IBTK: variants seen among roughly 807,000 people sequenced by gnomAD.
IBTK encodes BTK-binding protein.
A neutral mutation model predicts 154.9 loss-of-function variants in IBTK; 83 were observed. The observed-to-expected ratio is 0.54, with a 90% CI of 0.45 to 0.64. The LOEUF is 0.64. Among genes scored for constraint, IBTK ranks in the 30% least tolerant of loss-of-function variants. The pLI is 0.00. For missense variants in IBTK, 1,332 were observed against 1,584.6 expected, an observed-to-expected ratio of 0.84 and a Z score of 2.71; for synonymous variants, 515 against 536.1, an observed-to-expected ratio of 0.96 and a Z score of 0.54.
chr6:82,197,873 C>T (rs2127806283), intron 21 of IBTK, among the ~76,000 whole-genome samples: 1 of 152,146 alleles, frequency 6.6e-6, no homozygotes, highest in East Asian at 1.9e-4. Context: ...AGCTTTTACG[C>T]AACTGTCTTT....
intron 1 of IBTK, 54 bp from the exon 2 acceptor site, chr6:82,240,897 C>G (rs1770921186): frequency 4.9e-6 from 2 of 404,504 alleles, no homozygotes; most frequent in Admixed American, 4.2e-5. Context: ...TCTCGCTCTC[C>G]TTGAGTACTT....
intron 3 of IBTK, among the ~76,000 whole-genome samples, chr6:82,233,867 G>A (rs1334628473): frequency 1.3e-5 from 2 of 152,014 alleles, no homozygotes; most frequent in East Asian, 3.9e-4. Context: ...AGGATTGCCT[G>A]TAACTAGGAT....
intron 2 of IBTK, among the ~76,000 whole-genome samples, chr6:82,236,653 A>C (rs1285751908): frequency 6.6e-6 from 1 of 152,210 alleles, no homozygotes; most frequent in East Asian, 1.9e-4. Context: ...CTGACAATTT[A>C]CTGTGCAATT....
chr6:82,239,224 G>A (rs1409973593), intron 2 of IBTK, among the ~76,000 whole-genome samples: 6 of 151,810 alleles, frequency 4.0e-5, no homozygotes, highest in Non-Finnish European at 5.9e-5. Flanking sequence ...GGTGGATCAC[G>A]AGGTCAGGAG....
At chr6:82,241,069 C>T (rs376197096) in intron 1 of IBTK, among the ~76,000 whole-genome samples, 1 of 152,138 alleles carries the variant, frequency 6.6e-6, no homozygotes, top group Non-Finnish European at 1.5e-5. Flanking sequence ...CTGGCATAAA[C>T]GGGTTAATTC....
At chr6:82,245,662 A>G (rs1394836744) in intron 1 of IBTK, among the ~76,000 whole-genome samples, 10 of 152,220 alleles carry the variant, frequency 6.6e-5, no homozygotes, top group Admixed American at 4.6e-4. Flanking sequence ...ATCTTGGTCC[A>G]TTCCAAAATT....
chr6:82,230,105 G>A (rs1212131109), intron 4 of IBTK, among the ~76,000 whole-genome samples: 1 of 152,122 alleles, frequency 6.6e-6, no homozygotes, highest in Non-Finnish European at 1.5e-5. Context: ...GCAAACTAGG[G>A]ATATGTTGTC....
At chr6:82,200,521 A>T in intron 20 of IBTK, 66 bp downstream of exon 20, 1 of 1,321,384 alleles carries the variant, frequency 7.6e-7, no homozygotes, top group Non-Finnish European at 1.0e-6. Flanking sequence ...ATGAGAGTGA[A>T]GGGACACACT....
At position 82,201,462 on chromosome 6, in the gene IBTK, T is replaced by A; in HGVS notation, c.2750A>T (p.Asp917Val). The A allele has an allele frequency of 6.2e-7, 1 of 1,608,234 alleles. No individual in the cohort carries two copies. The highest frequency in any genetic ancestry group is 1.1e-5 in the South Asian group (1 of 90,086). The change falls in exon 19 of 29, where the codon GAT becomes GTT. Residue 917 changes from aspartate (D) to valine (V), a missense_variant. Coordinates refer to ENST00000306270, the MANE Select transcript of IBTK (RefSeq NM_015525.4). ...CTCAGAAAGATCCTTCAAAACACCA[T>A]CGCTTAAAACATCAAGAGACCTAAA... Reference protein sequence around the residue: ...LEARSLDVLSDGVLKDLSEFY... With the variant: ...LEARSLDVLSVGVLKDLSEFY...
chr6:82,178,761 T>C (rs1768207605), intron 26 of IBTK, among the ~76,000 whole-genome samples: 1 of 152,148 alleles, frequency 6.6e-6, no homozygotes, highest in Admixed American at 6.5e-5. Context: ...ACTGCCCCAG[T>C]AAGTCAGACT....
intron 25 of IBTK, among the ~76,000 whole-genome samples, chr6:82,186,510 A>G (rs527585547): frequency 6.6e-6 from 1 of 152,304 alleles, no homozygotes; most frequent in Admixed American, 6.5e-5. Context: ...CAAACTACGT[A>G]TAGTATAAAC....
chr6:82,240,088 G>A, intron 2 of IBTK, 78 bp downstream of exon 2: 1 of 1,240,688 alleles, frequency 8.1e-7, no homozygotes. Context: ...TTTCCAAAAA[G>A]CATGTAGGAT....
At chr6:82,239,999 A>G (rs1255713998) in intron 2 of IBTK, among the ~76,000 whole-genome samples, 167 bp downstream of exon 2, 1 of 152,230 alleles carries the variant, frequency 6.6e-6, no homozygotes, top group Non-Finnish European at 1.5e-5. Context: ...AGTTAAGTAA[A>G]AGGATATATG....
At position 82,211,980 on chromosome 6, in the gene IBTK, T is replaced by A. The variant is rs900729647; in HGVS notation, c.2292-408A>T. ...AACCTTTTCACTTACAGAGGAAGCA[T>A]GAATAGCTAAAAACAAAACTTTTTT... is the stretch of plus-strand genomic sequence containing the variant. On this transcript the variant is annotated intron_variant, in intron 13 of 28. Coordinates refer to ENST00000306270, the MANE Select transcript of IBTK (RefSeq NM_015525.4). Among the ~76,000 whole-genome samples the A allele has an allele frequency of 2.0e-5, 3 of 152,100 alleles. No homozygotes were observed. The East Asian group carries it at 5.8e-4, about 29-fold the overall frequency.
rs142790715 is a variant in IBTK, at chr6:82,188,524, G to A, written c.3575+2549C>T. ...TTATGAACATTCTTATACTTGTTGC[G>A]TGGTACATACGTGTGTGTTTCTGTT... On this transcript the variant is annotated intron_variant, in intron 25 of 28. Coordinates refer to ENST00000306270, the MANE Select transcript of IBTK (RefSeq NM_015525.4). 7.9e-3 allele frequency among the ~76,000 whole-genome samples: 1,196 copies of A among 152,162 alleles called. 18 individuals carry two copies. The highest frequency in any genetic ancestry group is 0.027 in the African/African-American group (1,121 of 41,526).
rs559339211 is a variant in IBTK, at chr6:82,211,749, TTAGAG to T, written c.2292-182_2292-178del. Among the ~76,000 whole-genome samples the T allele has an allele frequency of 2.0e-3, 305 of 152,340 alleles. 1 individual carries two copies. Among genetic ancestry groups the T allele is most frequent in the African/African-American group, 7.2e-3 (299 of 41,582 alleles). On this transcript the variant is annotated intron_variant, in intron 13 of 28. Coordinates refer to ENST00000306270, the MANE Select transcript of IBTK (RefSeq NM_015525.4). ...TTCCACCACAGGGAAGATAAGGGCCTTAGAGTAAAGACAATATTTGAAAAGGGAGC... is the reference window on the plus strand; with the variant it reads ...TTCCACCACAGGGAAGATAAGGGCCTTAAAGACAATATTTGAAAAGGGAGC...
intron 1 of IBTK, among the ~76,000 whole-genome samples, chr6:82,243,607 T>G (rs900382201): frequency 3.9e-5 from 6 of 152,156 alleles, no homozygotes; most frequent in Admixed American, 3.9e-4. Flanking sequence ...TGTAAAAACA[T>G]AGCATATATA....
intron 1 of IBTK, among the ~76,000 whole-genome samples, chr6:82,242,199 A>C (rs1475921750): frequency 1.3e-5 from 2 of 151,892 alleles, no homozygotes; most frequent in East Asian, 1.9e-4. Context: ...GAGAAACCCT[A>C]TCTCTATTAA....
chr6:82,228,913 G>A (rs1045320785), intron 4 of IBTK, among the ~76,000 whole-genome samples: 4 of 152,104 alleles, frequency 2.6e-5, no homozygotes, highest in East Asian at 3.9e-4. Flanking sequence ...GAGCCACTGC[G>A]CCCAGCCTAA....
Sources: allele counts gnomAD v4.1 joint callset (sites outside exome capture counted in the v4.1 genomes callset), GRCh38; gene constraint gnomAD v4.1.1; transcripts MANE v1.5; gene names NCBI Gene and HGNC (gene_info 2026-07-23, HGNC 2026-07-21).